Variants in BDH1 observed in about 807,000 individuals in gnomAD.
BDH1 encodes 3-hydroxybutyrate dehydrogenase 1.
Under a neutral mutation model 33.1 loss-of-function variants are expected in BDH1, and 30 were observed. The ratio of observed to expected loss-of-function variants is 0.91; its 90% CI spans 0.68 to 1.23. BDH1 has a LOEUF of 1.23. Ranked by LOEUF, BDH1 falls within the 50% of genes most tolerant of loss-of-function variation. The pLI is 0.00. For synonymous variants in BDH1, 190 were observed against 183.6 expected (o/e 1.03, Z -0.28); for missense variants, 443 against 464.4 (o/e 0.95, Z 0.42).
rs1717390481 is a variant in BDH1, at chr3:197,565,049, A to G, written c.-44+8132T>C. On this transcript the variant is annotated intron_variant, in intron 1 of 6. Coordinates refer to the BDH1 transcript ENST00000358186. ...GCGATTCTCCTGCCTCAGCCTCCCT[A>G]GTAGCTGAGATTACAGGCATGTGCC... 2.0e-5 allele frequency among the ~76,000 whole-genome samples: 3 copies of G among 152,120 alleles called. No individual in the cohort carries two copies. In the South Asian group the frequency reaches 6.2e-4, roughly 32 times the overall value.
At chr3:197,530,811 GT>G (rs1579928928) in intron 5 of BDH1, 1 of 152,540 alleles carries the variant, frequency 6.6e-6, no homozygotes, top group African/African-American at 2.4e-5. Context: ...TATTGTTGAT[GT>G]TTTAAAAAAC....
intron 3 of BDH1, among the ~76,000 whole-genome samples, chr3:197,536,143 T>C (rs1000039835): frequency 3.9e-5 from 6 of 152,350 alleles, no homozygotes; most frequent in African/African-American, 1.4e-4. Context: ...AAGTTTTGTG[T>C]CCATTTGCTC....
intron 1 of BDH1, among the ~76,000 whole-genome samples, chr3:197,570,862 G>A (rs1717583562): frequency 6.6e-6 from 1 of 152,264 alleles, no homozygotes; most frequent in African/African-American, 2.4e-5. Flanking sequence ...TAGTGCGGCT[G>A]TGAGAGGAGG....
intron 3 of BDH1, among the ~76,000 whole-genome samples, chr3:197,542,597 C>T (rs564188949): frequency 7.0e-6 from 1 of 143,734 alleles, no homozygotes; most frequent in Admixed American, 7.3e-5. Flanking sequence ...GATCTCGGCT[C>T]ACCGCAACCT....
At chr3:197,527,929 C>T (rs1266701060) in intron 5 of BDH1, among the ~76,000 whole-genome samples, 2 of 152,148 alleles carry the variant, frequency 1.3e-5, no homozygotes, top group Non-Finnish European at 2.9e-5. Flanking sequence ...ATCTGACACC[C>T]CGTCCACCAT....
chr3:197,522,898 T>C lies in BDH1; in HGVS notation c.268-117A>G. 1 of 1,285,150 alleles carries C rather than the reference T, an allele frequency of 7.8e-7. No individual in the cohort carries two copies. Among genetic ancestry groups the C allele is most frequent in the Non-Finnish European group, 1.1e-6 (1 of 933,882 alleles). 79.6% of individuals were successfully genotyped at this position (1,285,150 alleles called of 1,614,324 possible). A position where few individuals can be genotyped will look rare whatever the true frequency, so the allele number is the denominator to read the frequency against. On this transcript the variant is annotated intron_variant, in intron 5 of 7. Coordinates refer to ENST00000392379, the MANE Select transcript of BDH1 (RefSeq NM_203314.3). The surrounding 1 kb of genome is among the most constrained non-coding windows in gnomAD (Gnocchi z 4.8). Reference sequence around the variant, plus strand: ...GTCCCAGCCAAAGCCTCAGGCATACTGGCAACTGCCCATGGGCCTGGCCCA... The same window carrying C: ...GTCCCAGCCAAAGCCTCAGGCATACCGGCAACTGCCCATGGGCCTGGCCCA...
At chr3:197,530,382 T>A (rs1714526994) in intron 5 of BDH1, 1 of 152,036 alleles carries the variant, frequency 6.6e-6, no homozygotes, top group Non-Finnish European at 1.5e-5. Flanking sequence ...AGATAACCAG[T>A]CTGACCAACA....
At chr3:197,562,745 T>C (rs1224998006) in intron 1 of BDH1, among the ~76,000 whole-genome samples, 1 of 151,824 alleles carries the variant, frequency 6.6e-6, no homozygotes, top group Non-Finnish European at 1.5e-5. Flanking sequence ...CACAGCTCAA[T>C]TCTTCCTTTT....
intron 1 of BDH1, among the ~76,000 whole-genome samples, chr3:197,563,190 T>C (rs1177817151): frequency 1.3e-5 from 2 of 152,262 alleles, no homozygotes; most frequent in Non-Finnish European, 2.9e-5. Context: ...TCTATAATTT[T>C]ATGTCCAATT....
chr3:197,529,586 G>A (rs1714455074), intron 5 of BDH1: 1 of 152,200 alleles, frequency 6.6e-6, no homozygotes, highest in Non-Finnish European at 1.5e-5. Flanking sequence ...TGGAGCAAGA[G>A]ATTGGGAAGA....
At chr3:197,555,704 G>C (rs1335869252) in intron 1 of BDH1, 77 bp downstream of exon 1, 4 of 152,318 alleles carry the variant, frequency 2.6e-5, no homozygotes, top group Admixed American at 6.5e-5. Flanking sequence ...AAAGGAACAC[G>C]TGAGGCCGAA....
Position 197,510,599 on chromosome 3 carries a change from G to GGTGGGTGTGTGTGTGTGTGT in BDH1, c.*1295_*1296insACACACACACACACACCCAC. On this transcript the variant is annotated 3_prime_UTR_variant, in exon 8 of 8. Transcript: ENST00000392379. ...CCACGCTGAAGCCCTGCAGAACAGG[G>GGTGGGTGTGTGTGTGTGTGT]GTGTGTGTGTGTGTGTGTGTGTGTG... 1 of 75,376 alleles carries GGTGGGTGTGTGTGTGTGTGT rather than the reference G, an allele frequency of 1.3e-5. No homozygotes were observed. Among genetic ancestry groups the GGTGGGTGTGTGTGTGTGTGT allele is most frequent in the South Asian group, 6.1e-4 (1 of 1,632 alleles). The allele number at this position is 75,376 out of a possible 1,614,324, so 4.7% of individuals were successfully genotyped here. A position where few individuals can be genotyped will look rare whatever the true frequency, so the allele number is the denominator to read the frequency against.
intron 7 of BDH1, among the ~76,000 whole-genome samples, chr3:197,513,111 GGA>G (rs1712255398): frequency 6.6e-6 from 1 of 152,246 alleles, no homozygotes; most frequent in African/African-American, 2.4e-5. Context: ...TAGGATATGA[GGA>G]GAGAGTCCTG....
chr3:197,533,230 G>GCA (rs1714840496), intron 4 of BDH1, among the ~76,000 whole-genome samples: 1 of 151,610 alleles, frequency 6.6e-6, no homozygotes, highest in Non-Finnish European at 1.5e-5. Flanking sequence ...GGGAGTTCTC[G>GCA]CCCCCCACCT....
At chr3:197,532,578 C>T in intron 4 of BDH1, 56 bp from the exon 5 acceptor site, 1 of 1,257,460 alleles carries the variant, frequency 8.0e-7, no homozygotes, top group Non-Finnish European at 1.2e-6. Context: ...GGCAAAGTGA[C>T]CAGGCCTCTC....
intron 1 of BDH1, among the ~76,000 whole-genome samples, chr3:197,570,434 A>T (rs1037673004): frequency 2.6e-5 from 4 of 152,196 alleles, no homozygotes; most frequent in Non-Finnish European, 5.9e-5. Flanking sequence ...TATGTCAAAG[A>T]CCTTTGTGGC....
rs542567142 is a variant in BDH1, at chr3:197,565,497, G to A, written c.-44+7684C>T. 1.6e-4 allele frequency among the ~76,000 whole-genome samples: 25 copies of A among 152,024 alleles called. No individual in the cohort carries two copies. The South Asian group carries it at 5.0e-3, about 30-fold the overall frequency. The stretch of plus-strand genomic sequence containing the variant: ...AAAATGACATAATTTGGCTTATTTG[G>A]TATAAAAATCATACAGGAAACTTTG... On this transcript the variant is annotated intron_variant, in intron 1 of 6. Coordinates refer to the BDH1 transcript ENST00000358186.
chr3:197,510,604 GT>G lies in BDH1; in HGVS notation c.*1290del, dbSNP rs1356369097. On this transcript the variant is annotated 3_prime_UTR_variant, in exon 8 of 8. Coordinates refer to ENST00000392379, the MANE Select transcript of BDH1 (RefSeq NM_203314.3). Reference sequence around the variant, plus strand: ...CTGAAGCCCTGCAGAACAGGGGTGTGTGTGTGTGTGTGTGTGTGTGTGTGTG... The same window carrying G: ...CTGAAGCCCTGCAGAACAGGGGTGTGGTGTGTGTGTGTGTGTGTGTGTGTG... 4.3e-4 allele frequency: 9 copies of G among 20,792 alleles called. No individual in the cohort carries two copies. The highest frequency in any genetic ancestry group is 0.023 in the Middle Eastern group (1 of 44). 1.3% of individuals were successfully genotyped at this position (20,792 alleles called of 1,614,324 possible).
At chr3:197,556,389 C>T (rs995740209), upstream of BDH1, among the ~76,000 whole-genome samples, 6 of 152,168 alleles carry the variant, frequency 3.9e-5, no homozygotes, top group Non-Finnish European at 8.8e-5. Context: ...ATTTAAAGGC[C>T]GGGGGCGGTG....
Sources: allele counts gnomAD v4.1 joint callset (sites outside exome capture counted in the v4.1 genomes callset), GRCh38; gene constraint gnomAD v4.1.1; non-coding constraint Gnocchi (gnomAD v3.1); transcripts MANE v1.5; gene names NCBI Gene and HGNC (gene_info 2026-07-23, HGNC 2026-07-21).